ZNF71: variants seen among roughly 807,000 people sequenced by gnomAD.
ZNF71 encodes the protein zinc finger protein 71.
In ZNF71, 3 loss-of-function variants were observed where a neutral mutation model predicts 6.7. The observed-to-expected ratio is 0.45, with a 90% CI of 0.20 to 1.16. The LOEUF is 1.16. Ranked by LOEUF, ZNF71 falls within the 50% of genes most tolerant of loss-of-function variation. ZNF71 has a pLI of 0.25. For synonymous variants in ZNF71, 343 were observed against 311.1 expected, an observed-to-expected ratio of 1.10 and a Z score of -1.08; for missense variants, 688 against 728.6, an observed-to-expected ratio of 0.94 and a Z score of 0.64.
rs778067986 is a variant in ZNF71, at chr19:56,622,762, C to T, written c.*5C>T. On this transcript the variant is annotated 3_prime_UTR_variant, in exon 4 of 4. Coordinates refer to ENST00000599599, the MANE Select transcript of ZNF71 (RefSeq NM_001370215.1). ...CACCTGCGGATTCACACCTGAGCGC[C>T]TCTGTGCAGGGCTCTCACTGGCGGT... 1.3e-6 allele frequency: 2 copies of T among 1,590,496 alleles called. No homozygotes were observed. The highest frequency in any genetic ancestry group is 2.2e-5 in the East Asian group (1 of 44,710).
At chr19:56,602,716 TA>T (rs1392528410) in intron 2 of ZNF71, among the ~76,000 whole-genome samples, 12 of 152,382 alleles carry the variant, frequency 7.9e-5, no homozygotes, top group African/African-American at 2.9e-4. Flanking sequence ...GAGTATGCTT[TA>T]AAGACTTTAC....
At chr19:56,602,151 A>G (rs1174863454) in intron 2 of ZNF71, among the ~76,000 whole-genome samples, 2 of 152,314 alleles carry the variant, frequency 1.3e-5, no homozygotes, top group African/African-American at 4.8e-5. Context: ...GTCCATCTTA[A>G]TGACCCCATA....
chr19:56,622,926 CT>C lies in ZNF71; in HGVS notation c.*171del. On this transcript the variant is annotated 3_prime_UTR_variant, in exon 4 of 4. Transcript: ENST00000599599. ...GCTGGCTGATCACACATGCCCCCTC[CT>C]TACTGAGCCTCAGAAAGCAAGCCCC... is the stretch of plus-strand genomic sequence containing the variant. The C allele has an allele frequency of 1.2e-6, 1 of 855,188 alleles. No individual in the cohort carries two copies. The highest frequency in any genetic ancestry group is 1.8e-6 in the Non-Finnish European group (1 of 559,452). The allele number at this position is 855,188 out of a possible 1,614,324, so 53.0% of individuals were successfully genotyped here.
chr19:56,600,813 G>A (rs899858276), intron 1 of ZNF71, among the ~76,000 whole-genome samples: 3 of 152,176 alleles, frequency 2.0e-5, no homozygotes, highest in African/African-American at 7.2e-5. Flanking sequence ...TTTATCCTGA[G>A]CTTGTCAGGA....
intron 2 of ZNF71, among the ~76,000 whole-genome samples, chr19:56,609,680 G>T (rs1030457508): frequency 7.1e-6 from 1 of 141,002 alleles, no homozygotes; most frequent in Middle Eastern, 3.4e-3. Context: ...TGAGCCATAC[G>T]ATATGGATTT....
intron 2 of ZNF71, among the ~76,000 whole-genome samples, chr19:56,604,382 A>G (rs1377671481): frequency 6.6e-6 from 1 of 152,222 alleles, no homozygotes; most frequent in African/African-American, 2.4e-5. Context: ...ACATTGGGCC[A>G]AAAGGTCAAA....
Position 56,622,130 on chromosome 19 carries a change from G to C in ZNF71, c.1023G>C (p.Gln341His), listed in dbSNP as rs750770330. 6.2e-7 allele frequency: 1 copy of C among 1,613,546 alleles called. No individual in the cohort carries two copies. The highest frequency in any genetic ancestry group is 8.5e-7 in the Non-Finnish European group (1 of 1,179,622). Residue 341 changes from glutamine to histidine, a missense_variant, in exon 4 of 4, where the codon CAG becomes CAC. Transcript: ENST00000599599. Reference sequence around the variant, plus strand: ...CCGAGTGCGGGCGAGCCTTCAGCCAGAACATGCACCTGACCGAGCACCAGC... The same window carrying C: ...CCGAGTGCGGGCGAGCCTTCAGCCACAACATGCACCTGACCGAGCACCAGC... ...VCPECGRAFS[Q>H]NMHLTEHQRT... is the part of the protein sequence containing the mutation.
In ZNF71 at chr19:56,622,264, A is replaced by G. The variant is rs778040499; in HGVS notation, c.1157A>G (p.Tyr386Cys). ...AGGAACCACACCGGCGAGAAGCCCT[A>G]CGTGTGCGGCGAGTGCGGCAAGGCC... ...HQRNHTGEKPYVCGECGKAFS... is the reference protein window; with the variant it reads ...HQRNHTGEKPCVCGECGKAFS... Residue 386 changes from tyrosine (Y) to cysteine (C), a missense_variant, in exon 4 of 4, where the codon TAC becomes TGC. Physicochemically the swap from Tyr to Cys is radical, Grantham distance 194. Coordinates refer to ENST00000599599, the MANE Select transcript of ZNF71 (RefSeq NM_001370215.1). The G allele has an allele frequency of 1.4e-5, 22 of 1,608,948 alleles. No individual in the cohort carries two copies. Among genetic ancestry groups the G allele is most frequent in the Non-Finnish European group, 1.8e-5 (21 of 1,175,370 alleles).
chr19:56,617,387 A>C lies in ZNF71; in HGVS notation c.160+3449A>C, dbSNP rs547374895. 9.8e-4 allele frequency among the ~76,000 whole-genome samples: 149 copies of C among 152,292 alleles called. 1 individual carries two copies. Among genetic ancestry groups the C allele is most frequent in the African/African-American group, 3.3e-3 (137 of 41,558 alleles). On this transcript the variant is annotated intron_variant, in intron 3 of 3. Transcript: ENST00000599599. Reference sequence around the variant, plus strand: ...GCCTCCCAATATGCTGAGATTACAGAGACTTCCATTTTCTCCATTACTGTT... The same window carrying C: ...GCCTCCCAATATGCTGAGATTACAGCGACTTCCATTTTCTCCATTACTGTT...
At position 56,618,227 on chromosome 19, in the gene ZNF71, C is replaced by T. The variant is rs2044812763; in HGVS notation, c.161-3041C>T. Among the ~76,000 whole-genome samples the T allele has an allele frequency of 1.3e-5, 2 of 152,220 alleles. No individual in the cohort carries two copies. The highest frequency in any genetic ancestry group is 2.4e-5 in the African/African-American group (1 of 41,452). On this transcript the variant is annotated intron_variant, in intron 3 of 3. Coordinates refer to ENST00000599599, the MANE Select transcript of ZNF71 (RefSeq NM_001370215.1). The surrounding 1 kb of genome is among the most constrained non-coding windows in gnomAD (Gnocchi z 4.6). ...TGCCAGGGCTTGAATCCTGCTGTGC[C>T]TCAGGTGTATTGTGCCCTCGAGTAC...
chr19:56,621,701 C>T lies in ZNF71; in HGVS notation c.594C>T (p.Ala198=). 2.5e-6 allele frequency: 4 copies of T among 1,614,164 alleles called. No homozygotes were observed. The highest frequency in any genetic ancestry group is 3.4e-6 in the Non-Finnish European group (4 of 1,180,052). The part of the protein sequence containing the change: ...KTYDCSECGK[A]FSRSSSLIKH... Reference sequence around the variant, plus strand: ...ACGACTGCAGCGAGTGTGGCAAGGCCTTTAGCCGAAGCTCGTCCCTGATAA... The same window carrying T: ...ACGACTGCAGCGAGTGTGGCAAGGCTTTTAGCCGAAGCTCGTCCCTGATAA... Residue 198 remains alanine, a synonymous_variant, in exon 4 of 4, where the codon GCC becomes GCT. Coordinates refer to ENST00000599599, the MANE Select transcript of ZNF71 (RefSeq NM_001370215.1).
At position 56,621,782 on chromosome 19, in the gene ZNF71, G is replaced by T; in HGVS notation, c.675G>T (p.Lys225Asn). The stretch of plus-strand genomic sequence containing the variant: ...CGTTTGAGTGTGACACCTGTGGGAA[G>T]CACTTCATCGAGCGCTCGTCCCTCA... ...EKPFECDTCG[K>N]HFIERSSLTI... Residue 225 changes from lysine (K) to asparagine (N), a missense_variant, in exon 4 of 4, where the codon AAG becomes AAT. By Grantham distance (94) the Lys-to-Asn change is moderately conservative (BLOSUM62 0). Coordinates refer to ENST00000599599, the MANE Select transcript of ZNF71 (RefSeq NM_001370215.1). 1.2e-6 allele frequency: 2 copies of T among 1,614,054 alleles called. No homozygotes were observed. Among genetic ancestry groups the T allele is most frequent in the Non-Finnish European group, 1.7e-6 (2 of 1,180,032 alleles).
rs1011398936 is a variant in ZNF71, at chr19:56,624,152, G to T, written c.*1395G>T. Reference sequence around the variant, plus strand: ...AGTTGTTCCACACTCCCTGACACTGGTGTACACAAATAAATAATACAGAAA... The same window carrying T: ...AGTTGTTCCACACTCCCTGACACTGTTGTACACAAATAAATAATACAGAAA... On this transcript the variant is annotated 3_prime_UTR_variant, in exon 4 of 4. Transcript: ENST00000599599. The T allele has an allele frequency of 6.0e-6, 1 of 166,410 alleles. No individual in the cohort carries two copies. Among genetic ancestry groups the T allele is most frequent in the Non-Finnish European group, 1.5e-5 (1 of 68,122 alleles). 10.3% of individuals were successfully genotyped at this position (166,410 alleles called of 1,614,324 possible).
In ZNF71 at chr19:56,621,949, A is replaced by G. The variant is rs753872644; in HGVS notation, c.842A>G (p.Lys281Arg). The G allele has an allele frequency of 6.2e-7, 1 of 1,605,704 alleles. No homozygotes were observed. The highest frequency in any genetic ancestry group is 1.4e-5 in the African/African-American group (1 of 70,888). Residue 281 changes from lysine to arginine, a missense_variant, in exon 4 of 4, where the codon AAG becomes AGG. Transcript: ENST00000599599. The stretch of plus-strand genomic sequence containing the variant: ...CCGTATGTGTGCGACGTGTGTGGCA[A>G]GGCCTTCCGGAAGACTTCCTCTCTC... ...EKPYVCDVCG[K>R]AFRKTSSLTQ...
Position 56,623,112 on chromosome 19 carries a change from AGT to A in ZNF71, c.*357_*358del, listed in dbSNP as rs903221644. The A allele has an allele frequency of 4.5e-5, 12 of 265,356 alleles. No homozygotes were observed. The highest frequency in any genetic ancestry group is 2.7e-4 in the African/African-American group (12 of 45,160). The allele number at this position is 265,356 out of a possible 1,614,324, so 16.4% of individuals were successfully genotyped here. A position where few individuals can be genotyped will look rare whatever the true frequency, so the allele number is the denominator to read the frequency against. On this transcript the variant is annotated 3_prime_UTR_variant, in exon 4 of 4. Transcript: ENST00000599599. ...CACATCTCTGTTTCTTCAGCGGGAA[AGT>A]GGAGCTGGTGGAGGGGAGGGAGGAG... is the stretch of plus-strand genomic sequence containing the variant.
intron 2 of ZNF71, among the ~76,000 whole-genome samples, chr19:56,611,552 G>A (rs749071567): frequency 9.9e-5 from 15 of 152,142 alleles, no homozygotes; most frequent in Non-Finnish European, 2.2e-4. Flanking sequence ...GTCAAAGCCC[G>A]CAGATCTCTG....
At chr19:56,608,511 T>A (rs1248772554) in intron 2 of ZNF71, among the ~76,000 whole-genome samples, 1 of 152,212 alleles carries the variant, frequency 6.6e-6, no homozygotes, top group African/African-American at 2.4e-5. Context: ...GCTTATCCAC[T>A]CGTGCTTACG....
intron 2 of ZNF71, among the ~76,000 whole-genome samples, chr19:56,602,397 G>A (rs1332429218): frequency 6.6e-6 from 1 of 152,198 alleles, no homozygotes; most frequent in Admixed American, 6.5e-5. Context: ...ACGGCGGTAT[G>A]TATTCCCACC....
At chr19:56,617,149 T>C (rs993299290) in intron 3 of ZNF71, among the ~76,000 whole-genome samples, 1 of 150,104 alleles carries the variant, frequency 6.7e-6, no homozygotes, top group African/African-American at 2.5e-5. Flanking sequence ...CTTGCTCTGT[T>C]GCCCAAGCTG....
Sources: gnomAD v4.1 joint callset for allele counts (sites outside exome capture counted in the v4.1 genomes callset) on GRCh38, gnomAD v4.1.1 for gene constraint, Gnocchi (gnomAD v3.1) non-coding constraint, MANE v1.5 for transcripts, NCBI Gene and HGNC (gene_info 2026-07-23, HGNC 2026-07-21) for gene names.